PRR16: variants seen among roughly 807,000 people sequenced by gnomAD.
PRR16 encodes the protein protein Largen.
Under a neutral mutation model 18.2 loss-of-function variants are expected in PRR16, and 6 were observed. That is an observed-to-expected ratio of 0.33 (90% CI 0.18 to 0.65). The LOEUF (loss-of-function observed/expected upper bound fraction) is 0.65. Among genes scored for constraint, PRR16 ranks in the 30% least tolerant of loss-of-function variants. The pLI, the probability that PRR16 is intolerant of heterozygous loss-of-function variation, is 0.74. For missense variants in PRR16, 412 were observed against 376.6 expected, an observed-to-expected ratio of 1.09 and a Z score of -0.78; for synonymous variants, 151 against 147.8, an observed-to-expected ratio of 1.02 and a Z score of -0.16.
chr5:120,757,810 G>GAT, the PRR16 span, among the ~76,000 whole-genome samples: 1 of 150,730 alleles, frequency 6.6e-6, no homozygotes, highest in South Asian at 2.1e-4. Flanking sequence ...TGTAGTGACT[G>GAT]ATATACTCAA....
the PRR16 span, among the ~76,000 whole-genome samples, chr5:120,751,183 C>T: frequency 3.3e-5 from 5 of 152,062 alleles, no homozygotes; most frequent in African/African-American, 7.2e-5. Flanking sequence ...CGTATTCATT[C>T]ATTGATCGAT....
chr5:120,482,847 G>A (rs537527658), intron 1 of PRR16, among the ~76,000 whole-genome samples: 24 of 152,202 alleles, frequency 1.6e-4, no homozygotes, highest in African/African-American at 4.6e-4. Flanking sequence ...GACGATCTGC[G>A]AACATAACAT....
intron 1 of PRR16, among the ~76,000 whole-genome samples, chr5:120,514,052 C>T (rs543878829): frequency 3.9e-5 from 6 of 152,320 alleles, no homozygotes; most frequent in Admixed American, 3.3e-4. Context: ...GCCACCGCAC[C>T]TTGCCACATC....
At chr5:120,615,118 A>G (rs755371888) in intron 1 of PRR16, among the ~76,000 whole-genome samples, 1 of 152,144 alleles carries the variant, frequency 6.6e-6, no homozygotes, top group Non-Finnish European at 1.5e-5. Flanking sequence ...CTTTCCATAT[A>G]TTAACTTAGT....
intron 1 of PRR16, among the ~76,000 whole-genome samples, chr5:120,493,127 T>G (rs1750121867): frequency 6.6e-6 from 1 of 152,218 alleles, no homozygotes; most frequent in Non-Finnish European, 1.5e-5. Flanking sequence ...TTTTAAGGAA[T>G]GTCTATATTA....
chr5:120,640,749 A>G (rs72794327), intron 1 of PRR16, among the ~76,000 whole-genome samples: 35,615 of 152,078 alleles, frequency 0.23, 5,746 homozygotes, highest in African/African-American at 0.45. Flanking sequence ...ACTACTCAGA[A>G]AAAATATAAA....
intron 1 of PRR16, chr5:120,617,212 G>T: frequency 1.0e-6 from 1 of 974,760 alleles, no homozygotes. Flanking sequence ...ACCTTAACAT[G>T]ATGTTTGCAG....
At chr5:120,583,282 A>G (rs1291989418) in intron 1 of PRR16, among the ~76,000 whole-genome samples, 1 of 151,424 alleles carries the variant, frequency 6.6e-6, no homozygotes, top group Non-Finnish European at 1.5e-5. Flanking sequence ...GAGGATTTTC[A>G]GTGTCACATT....
At chr5:120,600,795 A>G (rs1352634596) in intron 1 of PRR16, among the ~76,000 whole-genome samples, 1 of 151,876 alleles carries the variant, frequency 6.6e-6, no homozygotes, top group Non-Finnish European at 1.5e-5. Flanking sequence ...CCCAATGTTT[A>G]TCTTGCACTT....
chr5:120,624,180 C>T (rs538347041), intron 1 of PRR16, among the ~76,000 whole-genome samples: 6 of 152,136 alleles, frequency 3.9e-5, no homozygotes, highest in South Asian at 2.1e-4. Context: ...GGTTAGGGAT[C>T]CTTTCTGCAG....
chr5:120,491,464 CTTTCCTTTCCTTTCCTTTCT>C (rs1750042702), intron 1 of PRR16, among the ~76,000 whole-genome samples: 1 of 120,750 alleles, frequency 8.3e-6, no homozygotes, highest in Non-Finnish European at 1.7e-5. Context: ...CTTTCCTTTC[CTTTCCTTTCCTTTCCTTTCT>C]TCCTTCCTTC....
chr5:120,486,689 G>A (rs1453495768), intron 1 of PRR16, among the ~76,000 whole-genome samples: 2 of 152,142 alleles, frequency 1.3e-5, no homozygotes, highest in African/African-American at 4.8e-5. Context: ...TGTTGCCATT[G>A]CTTTTGGTGT....
At chr5:120,509,825 C>A (rs777487628) in intron 1 of PRR16, among the ~76,000 whole-genome samples, 2 of 151,980 alleles carry the variant, frequency 1.3e-5, no homozygotes, top group Non-Finnish European at 2.9e-5. Context: ...AGTTAATTAC[C>A]TTCTAAATTG....
At chr5:120,763,891 T>TA in the PRR16 span, among the ~76,000 whole-genome samples, 1 of 152,128 alleles carries the variant, frequency 6.6e-6, no homozygotes, top group African/African-American at 2.4e-5. Flanking sequence ...ATGCTACTGA[T>TA]TGTTTATATT....
intron 1 of PRR16, among the ~76,000 whole-genome samples, chr5:120,643,139 C>T (rs1336689881): frequency 6.6e-6 from 1 of 151,534 alleles, no homozygotes; most frequent in Non-Finnish European, 1.5e-5. Flanking sequence ...CAAATGTAAG[C>T]TTATTGATAA....
chr5:120,687,725 A>G, downstream of PRR16, among the ~76,000 whole-genome samples: 1 of 152,154 alleles, frequency 6.6e-6, no homozygotes, highest in East Asian at 1.9e-4. Context: ...ATTTGGCGTA[A>G]GTTTTTCCCC....
At chr5:120,508,216 C>T (rs1201988417) in intron 1 of PRR16, among the ~76,000 whole-genome samples, 1 of 152,092 alleles carries the variant, frequency 6.6e-6, no homozygotes, top group African/African-American at 2.4e-5. Context: ...GACAAAACTT[C>T]CATCTTGAGA....
intron 1 of PRR16, among the ~76,000 whole-genome samples, chr5:120,681,862 T>G (rs1293253105): frequency 6.6e-6 from 1 of 152,226 alleles, no homozygotes; most frequent in African/African-American, 2.4e-5. Flanking sequence ...TTTTTGTGGT[T>G]GTAAAACTTT....
chr5:120,531,959 GTTAA>G (rs1163750387), intron 1 of PRR16, among the ~76,000 whole-genome samples: 1 of 152,132 alleles, frequency 6.6e-6, no homozygotes, highest in East Asian at 1.9e-4. Flanking sequence ...CTTGTTAATA[GTTAA>G]TTAGAGAGCT....
Sources: gnomAD v4.1 joint callset for allele counts (sites outside exome capture counted in the v4.1 genomes callset) on GRCh38, gnomAD v4.1.1 for gene constraint, MANE v1.5 for transcripts, NCBI Gene and HGNC (gene_info 2026-07-23, HGNC 2026-07-21) for gene names.